Variants in NKAIN2 observed in about 807,000 individuals in gnomAD.
NKAIN2 encodes sodium/potassium-transporting ATPase subunit beta-1-interacting protein 2.
Under a neutral mutation model 32.6 loss-of-function variants are expected in NKAIN2, and 14 were observed. The observed-to-expected ratio is 0.43, with a 90% CI of 0.28 to 0.67. The LOEUF (loss-of-function observed/expected upper bound fraction) is 0.67, where lower values mean the gene tolerates loss of function less well. Ranked by LOEUF, NKAIN2 falls within the 30% of genes least tolerant of loss-of-function variation. The probability of loss-of-function intolerance (pLI) is 0.17; values close to 1 mark genes in which losing one functional copy is unlikely to be tolerated. For synonymous variants in NKAIN2, 80 were observed against 87.2 expected, an observed-to-expected ratio of 0.92 and a Z score of 0.46; for missense variants, 198 against 258.3, an observed-to-expected ratio of 0.77 and a Z score of 1.60.
At chr6:124,608,534 G>A (rs1782578312) in intron 3 of NKAIN2, among the ~76,000 whole-genome samples, 1 of 152,160 alleles carries the variant, frequency 6.6e-6, no homozygotes, top group East Asian at 1.9e-4. Flanking sequence ...TGAAGGGAGT[G>A]TGCCCTCCCT....
intron 1 of NKAIN2, among the ~76,000 whole-genome samples, chr6:124,131,014 A>G (rs1480034025): frequency 1.3e-5 from 2 of 152,234 alleles, no homozygotes; most frequent in African/African-American, 4.8e-5. Context: ...TGCTGAAGAC[A>G]GTCAATACTA....
In NKAIN2 at chr6:123,879,894, A is replaced by G. The variant is rs555364611; in HGVS notation, c.54+75640A>G. On this transcript the variant is annotated intron_variant, in intron 1 of 6. Coordinates refer to ENST00000368417, the MANE Select transcript of NKAIN2 (RefSeq NM_001040214.3). ...TATGACTCTTGTCTGACCTGTGTTCAGTTTATACTTGCCTGACATTGCTCT... is the reference window on the plus strand; with the variant it reads ...TATGACTCTTGTCTGACCTGTGTTCGGTTTATACTTGCCTGACATTGCTCT... Among the ~76,000 whole-genome samples the G allele has an allele frequency of 2.6e-5, 4 of 152,192 alleles. No homozygotes were observed. In the East Asian group the frequency reaches 7.7e-4, roughly 29 times the overall value.
At chr6:124,229,856 T>G (rs1792354696) in intron 1 of NKAIN2, among the ~76,000 whole-genome samples, 1 of 152,154 alleles carries the variant, frequency 6.6e-6, no homozygotes, top group African/African-American at 2.4e-5. Flanking sequence ...TCTCTTTTTC[T>G]TCCCAGTCTC....
chr6:123,934,395 A>G lies in NKAIN2; in HGVS notation c.54+130141A>G, dbSNP rs940561719. 3.9e-5 allele frequency among the ~76,000 whole-genome samples: 6 copies of G among 152,126 alleles called. No homozygotes were observed. In the East Asian group the frequency reaches 1.2e-3, roughly 29 times the overall value. On this transcript the variant is annotated intron_variant, in intron 1 of 6. Transcript: ENST00000368417. ...CTATCATTTCTCTTAAACACATATC[A>G]AAGCCTAAGTCCTCTCTAAAACCTT... is the stretch of plus-strand genomic sequence containing the variant.
intron 1 of NKAIN2, among the ~76,000 whole-genome samples, chr6:123,981,733 G>A (rs1273515709): frequency 1.3e-5 from 2 of 152,148 alleles, no homozygotes; most frequent in Non-Finnish European, 2.9e-5. Flanking sequence ...ATAAGACACT[G>A]AGTGTTGAGA....
At chr6:124,301,317 T>A (rs1005235344) in intron 2 of NKAIN2, among the ~76,000 whole-genome samples, 30 of 152,114 alleles carry the variant, frequency 2.0e-4, no homozygotes, top group Non-Finnish European at 2.1e-4. Flanking sequence ...TTTCAGAGGA[T>A]GTATGGAAAT....
At chr6:124,508,990 GAA>G (rs1284786042) in intron 3 of NKAIN2, among the ~76,000 whole-genome samples, 2 of 152,124 alleles carry the variant, frequency 1.3e-5, no homozygotes, top group Non-Finnish European at 1.5e-5. Context: ...AATTACAACT[GAA>G]ATTATCCTAC....
intron 5 of NKAIN2, among the ~76,000 whole-genome samples, chr6:124,797,529 G>A (rs903830336): frequency 2.6e-5 from 4 of 152,146 alleles, no homozygotes; most frequent in Non-Finnish European, 5.9e-5. Context: ...ATCAAAACCT[G>A]TCCTGAATTC....
intron 1 of NKAIN2, among the ~76,000 whole-genome samples, chr6:124,220,356 G>T (rs1276697196): frequency 2.6e-5 from 4 of 151,980 alleles, no homozygotes; most frequent in Non-Finnish European, 5.9e-5. Context: ...AACCTCCTTT[G>T]TTTTTAAATT....
At chr6:124,675,321 G>A (rs1411347875) in intron 4 of NKAIN2, among the ~76,000 whole-genome samples, 1 of 151,934 alleles carries the variant, frequency 6.6e-6, no homozygotes, top group Non-Finnish European at 1.5e-5. Context: ...TGTAAACATC[G>A]ATGTTCATCA....
At chr6:124,006,305 C>A (rs2114724017) in intron 1 of NKAIN2, among the ~76,000 whole-genome samples, 1 of 152,164 alleles carries the variant, frequency 6.6e-6, no homozygotes, top group East Asian at 1.9e-4. Flanking sequence ...GATTGAGGTC[C>A]CAGCATTTGT....
intron 3 of NKAIN2, among the ~76,000 whole-genome samples, chr6:124,463,573 G>T (rs542152437): frequency 7.9e-5 from 12 of 151,948 alleles, no homozygotes; most frequent in African/African-American, 2.7e-4. Context: ...CCTGTGCATC[G>T]CCCTATCTCT....
At chr6:124,186,415 C>G (rs1789745989) in intron 1 of NKAIN2, among the ~76,000 whole-genome samples, 1 of 151,982 alleles carries the variant, frequency 6.6e-6, no homozygotes, top group South Asian at 2.1e-4. Flanking sequence ...GCACTCCAGC[C>G]TGAGCAACAG....
intron 1 of NKAIN2, among the ~76,000 whole-genome samples, chr6:124,226,886 C>T (rs1329192458): frequency 6.6e-6 from 1 of 152,116 alleles, no homozygotes; most frequent in East Asian, 1.9e-4. Context: ...CACTTACACA[C>T]AGGAATCTTT....
intron 1 of NKAIN2, among the ~76,000 whole-genome samples, chr6:124,160,785 A>G (rs988625590): frequency 1.3e-5 from 2 of 152,176 alleles, no homozygotes; most frequent in African/African-American, 4.8e-5. Flanking sequence ...TTTTTAGAAT[A>G]TCTGAAATCC....
At chr6:124,197,715 A>G (rs1790382299) in intron 1 of NKAIN2, among the ~76,000 whole-genome samples, 1 of 152,060 alleles carries the variant, frequency 6.6e-6, no homozygotes, top group African/African-American at 2.4e-5. Context: ...AAATCTTACC[A>G]TTGCCCAGAA....
intron 1 of NKAIN2, among the ~76,000 whole-genome samples, chr6:123,910,653 G>T (rs955287254): frequency 6.6e-6 from 1 of 151,524 alleles, no homozygotes; most frequent in African/African-American, 2.4e-5. Context: ...ATACAGGCAC[G>T]CACAACCATG....
chr6:124,491,303 A>G (rs975287443), intron 3 of NKAIN2, among the ~76,000 whole-genome samples: 8 of 151,896 alleles, frequency 5.3e-5, no homozygotes, highest in African/African-American at 1.9e-4. Context: ...GCTCTGCTCT[A>G]CTGTGCTCTC....
At chr6:124,770,715 T>A (rs547049704) in intron 4 of NKAIN2, among the ~76,000 whole-genome samples, 1 of 152,288 alleles carries the variant, frequency 6.6e-6, no homozygotes, top group Non-Finnish European at 1.5e-5. Context: ...TCTTATGATC[T>A]GACTGTTTTA....
Sources: gnomAD v4.1 joint callset for allele counts (sites outside exome capture counted in the v4.1 genomes callset) on GRCh38, gnomAD v4.1.1 for gene constraint, MANE v1.5 for transcripts, NCBI Gene and HGNC (gene_info 2026-07-23, HGNC 2026-07-21) for gene names.